Variants in PTPRD observed in about 807,000 individuals in gnomAD.
PTPRD encodes the protein receptor-type tyrosine-protein phosphatase delta.
Under a neutral mutation model 214.5 loss-of-function variants are expected in PTPRD, and 34 were observed. That is an observed-to-expected ratio of 0.16 (90% CI 0.12 to 0.21). The LOEUF (loss-of-function observed/expected upper bound fraction) is 0.21. Among genes scored for constraint, PTPRD ranks in the 10% least tolerant of loss-of-function variants. The pLI is 1.00. For synonymous variants in PTPRD, 1,128 were observed against 845.7 expected, an observed-to-expected ratio of 1.33 and a Z score of -5.79; for missense variants, 2,545 against 2,398.7, an observed-to-expected ratio of 1.06 and a Z score of -1.27.
intron 8 of PTPRD, among the ~76,000 whole-genome samples, chr9:9,543,140 C>G (rs1304964343): frequency 6.6e-6 from 1 of 151,558 alleles, no homozygotes; most frequent in Non-Finnish European, 1.5e-5. Flanking sequence ...AATGGGACTA[C>G]TAATAAAACA....
chr9:8,480,795 G>T (rs954913028), intron 30 of PTPRD, among the ~76,000 whole-genome samples: 2 of 152,124 alleles, frequency 1.3e-5, no homozygotes, highest in Non-Finnish European at 2.9e-5. Flanking sequence ...TACTGAAATT[G>T]CTTGGGATAA....
chr9:10,360,525 G>A (rs2097359615), intron 2 of PTPRD, among the ~76,000 whole-genome samples: 1 of 152,186 alleles, frequency 6.6e-6, no homozygotes, highest in Admixed American at 6.5e-5. Flanking sequence ...GTATTGGAAA[G>A]GACATAGAGT....
At position 8,533,422 on chromosome 9, in the gene PTPRD, C is replaced by T. The variant is rs538436207; in HGVS notation, c.353-4643G>A. Among the ~76,000 whole-genome samples the T allele has an allele frequency of 2.6e-4, 40 of 152,080 alleles. 1 individual carries two copies. The highest frequency in any genetic ancestry group is 4.1e-4 in the Non-Finnish European group (28 of 67,946). On this transcript the variant is annotated intron_variant, in intron 14 of 45. Coordinates refer to ENST00000381196, the MANE Select transcript of PTPRD (RefSeq NM_002839.4). ...TACAAATATGTTTATAAAGAAAAAGCGTGTCAATTACATCAATTACATCAA... is the reference window on the plus strand; with the variant it reads ...TACAAATATGTTTATAAAGAAAAAGTGTGTCAATTACATCAATTACATCAA...
intron 4 of PTPRD, among the ~76,000 whole-genome samples, chr9:9,952,105 A>G (rs1007320113): frequency 2.6e-5 from 4 of 152,200 alleles, no homozygotes; most frequent in African/African-American, 9.6e-5. Context: ...TTACCAGACA[A>G]GATCTGAGAA....
intron 9 of PTPRD, among the ~76,000 whole-genome samples, chr9:9,317,535 A>G (rs1263376877): frequency 6.6e-6 from 1 of 152,020 alleles, no homozygotes; most frequent in Non-Finnish European, 1.5e-5. Context: ...CTTGTGCCTC[A>G]TAAGTCATTG....
rs115908755 is a variant in PTPRD at position 10,460,372 on chromosome 9, A to T, written c.-599-119355T>A. Among the ~76,000 whole-genome samples, 524 of 142,544 alleles carry T rather than the reference A, an allele frequency of 3.7e-3. 1 individual carries two copies. The highest frequency in any genetic ancestry group is 4.8e-3 in the Non-Finnish European group (323 of 67,864). 93.5% of individuals were successfully genotyped at this position (142,544 alleles called of 152,430 possible). A position where few individuals can be genotyped will look rare whatever the true frequency, so the allele number is the denominator to read the frequency against. On this transcript the variant is annotated intron_variant, in intron 2 of 45. Coordinates refer to ENST00000381196, the MANE Select transcript of PTPRD (RefSeq NM_002839.4). ...AGTGGCATTATTCACAAAAATAGAT[A>T]AAAAAACCCTAAAATTTGTATGAAA...
intron 8 of PTPRD, among the ~76,000 whole-genome samples, chr9:9,431,568 G>T (rs2083140684): frequency 6.6e-6 from 1 of 152,160 alleles, no homozygotes; most frequent in East Asian, 1.9e-4. Flanking sequence ...ATACCCAAAG[G>T]ATTATAAATC....
chr9:10,530,157 A>T (rs1027313996), intron 2 of PTPRD, among the ~76,000 whole-genome samples: 1 of 152,216 alleles, frequency 6.6e-6, no homozygotes, highest in Admixed American at 6.5e-5. Flanking sequence ...ATCTTCTAAA[A>T]TAAAGTCTAT....
At chr9:10,056,434 C>T (rs1209695511) in intron 3 of PTPRD, among the ~76,000 whole-genome samples, 2 of 150,640 alleles carry the variant, frequency 1.3e-5, no homozygotes, top group South Asian at 2.1e-4. Context: ...CTTTTATTAG[C>T]TGCTGGAAAG....
chr9:10,072,971 T>A (rs2098057945), intron 3 of PTPRD, among the ~76,000 whole-genome samples: 1 of 152,104 alleles, frequency 6.6e-6, no homozygotes, highest in African/African-American at 2.4e-5. Flanking sequence ...TTGTGGTATA[T>A]CCATAGAGTA....
chr9:9,480,398 T>G (rs770533307), intron 8 of PTPRD, among the ~76,000 whole-genome samples: 2 of 152,156 alleles, frequency 1.3e-5, no homozygotes, highest in Non-Finnish European at 1.5e-5. Context: ...GAAATATAAG[T>G]TCCTTTTCAA....
intron 3 of PTPRD, among the ~76,000 whole-genome samples, chr9:10,299,832 A>G (rs567536428): frequency 1.3e-5 from 2 of 152,288 alleles, no homozygotes; most frequent in South Asian, 4.1e-4. Context: ...ACATTGCTAT[A>G]ATTTATCTCT....
chr9:10,217,687 C>T (rs1284881902), intron 3 of PTPRD, among the ~76,000 whole-genome samples: 1 of 151,886 alleles, frequency 6.6e-6, no homozygotes, highest in Non-Finnish European at 1.5e-5. Context: ...AGAGTAAGGT[C>T]ACATCATCAT....
At position 9,423,723 on chromosome 9, in the gene PTPRD, G is replaced by A. The variant is rs372633243; in HGVS notation, c.-236-26241C>T. Among the ~76,000 whole-genome samples the A allele has an allele frequency of 9.2e-5, 14 of 152,188 alleles. No individual in the cohort carries two copies. The East Asian group carries it at 1.7e-3, about 19-fold the overall frequency. On this transcript the variant is annotated intron_variant, in intron 8 of 45. Coordinates refer to ENST00000381196, the MANE Select transcript of PTPRD (RefSeq NM_002839.4). ...CAAAAATTCTAAAATGCAAAAAACT[G>A]CAGTAACTATAATTAAGAACCCAAT...
chr9:8,424,375 G>C (rs540515086), intron 35 of PTPRD, among the ~76,000 whole-genome samples: 17 of 152,228 alleles, frequency 1.1e-4, no homozygotes, highest in African/African-American at 3.8e-4. Flanking sequence ...CCATTTACTA[G>C]CTGTGTGACC....
At chr9:9,224,678 T>C (rs1034237227) in intron 9 of PTPRD, among the ~76,000 whole-genome samples, 15 of 152,148 alleles carry the variant, frequency 9.9e-5, no homozygotes, top group Admixed American at 5.9e-4. Context: ...GTTTATTTCA[T>C]CCATTAATGA....
At chr9:9,407,889 T>C (rs766216585) in intron 8 of PTPRD, among the ~76,000 whole-genome samples, 30 of 151,804 alleles carry the variant, frequency 2.0e-4, no homozygotes, top group Non-Finnish European at 3.8e-4. Flanking sequence ...TCTTGTAAAA[T>C]TTTGGTTAGA....
At chr9:10,008,589 C>CAT (rs77848983) in intron 4 of PTPRD, among the ~76,000 whole-genome samples, 17 of 151,694 alleles carry the variant, frequency 1.1e-4, no homozygotes, top group Admixed American at 9.2e-4. Flanking sequence ...ATCCTGTGAG[C>CAT]ATATATATAT....
intron 37 of PTPRD, among the ~76,000 whole-genome samples, chr9:8,383,974 T>A (rs1461918624): frequency 1.3e-5 from 2 of 152,302 alleles, no homozygotes; most frequent in East Asian, 3.9e-4. Context: ...TCTCTCTGTG[T>A]TCTGTATTTC....
Sources: gnomAD v4.1 joint callset for allele counts (sites outside exome capture counted in the v4.1 genomes callset) on GRCh38, gnomAD v4.1.1 for gene constraint, MANE v1.5 for transcripts, NCBI Gene and HGNC (gene_info 2026-07-23, HGNC 2026-07-21) for gene names.